Variants in CTNNBL1 observed in about 807,000 individuals in gnomAD.
CTNNBL1 encodes the protein beta-catenin-like protein 1.
A neutral mutation model predicts 72.7 loss-of-function variants in CTNNBL1; 31 were observed. That is an observed-to-expected ratio of 0.43 (90% CI 0.32 to 0.58). The LOEUF is 0.58. CTNNBL1 is among the 20% of genes least tolerant of loss of function. The probability of loss-of-function intolerance (pLI) is 0.08; values close to 1 mark genes in which losing one functional copy is unlikely to be tolerated. For missense variants in CTNNBL1, 534 were observed against 725.1 expected (o/e 0.74, Z 3.03); for synonymous variants, 240 against 267.3 (o/e 0.90, Z 1.00).
intron 10 of CTNNBL1, among the ~76,000 whole-genome samples, chr20:37,802,256 A>G (rs2073828981): frequency 6.6e-6 from 1 of 152,226 alleles, no homozygotes; most frequent in African/African-American, 2.4e-5. Flanking sequence ...TCATAAGAGA[A>G]CACATAATAT....
intron 4 of CTNNBL1, among the ~76,000 whole-genome samples, chr20:37,749,571 C>CA (rs1328112672): frequency 1.3e-5 from 2 of 152,094 alleles, no homozygotes; most frequent in Non-Finnish European, 2.9e-5. Context: ...TGCCAACCTG[C>CA]ACCCAACTGC....
chr20:37,789,383 A>G (rs1252250337), intron 10 of CTNNBL1, among the ~76,000 whole-genome samples: 1 of 152,232 alleles, frequency 6.6e-6, no homozygotes, highest in Non-Finnish European at 1.5e-5. Context: ...ACATATGAAC[A>G]TGAATGAAGT....
At chr20:37,836,407 T>C (rs1012457946) in intron 11 of CTNNBL1, among the ~76,000 whole-genome samples, 1 of 152,216 alleles carries the variant, frequency 6.6e-6, no homozygotes, top group South Asian at 2.1e-4. Flanking sequence ...CACATGGACA[T>C]GGCAGTCCAT....
chr20:37,868,305 T>C (rs963290260), intron 15 of CTNNBL1, among the ~76,000 whole-genome samples: 1 of 143,268 alleles, frequency 7.0e-6, no homozygotes, highest in African/African-American at 2.6e-5. Context: ...TTTTTTTTTT[T>C]ACTATCCACA....
intron 1 of CTNNBL1, among the ~76,000 whole-genome samples, chr20:37,708,043 G>C (rs915371022): frequency 1.3e-5 from 2 of 152,124 alleles, no homozygotes; most frequent in African/African-American, 4.8e-5. Flanking sequence ...TGAAAACAAA[G>C]TAGTAATATT....
At chr20:37,844,442 A>C (rs1354214735) in intron 13 of CTNNBL1, among the ~76,000 whole-genome samples, 1 of 152,158 alleles carries the variant, frequency 6.6e-6, no homozygotes, top group East Asian at 1.9e-4. Context: ...TTTTTGGACA[A>C]TGGAATGAAT....
intron 5 of CTNNBL1, among the ~76,000 whole-genome samples, chr20:37,758,815 C>G (rs1483426113): frequency 6.6e-6 from 1 of 152,218 alleles, no homozygotes; most frequent in East Asian, 1.9e-4. Context: ...TTAGAAGCAC[C>G]TGGGCTGCTT....
At chr20:37,851,119 C>T (rs1046228028) in intron 13 of CTNNBL1, among the ~76,000 whole-genome samples, 1 of 152,198 alleles carries the variant, frequency 6.6e-6, no homozygotes, top group African/African-American at 2.4e-5. Flanking sequence ...GAAATGGCAC[C>T]TTGGCGCTAC....
rs2072290041 is a variant in CTNNBL1, at chr20:37,840,093, C to T, written c.1214-9C>T. ...CTCAGCATGTTCTCTTTTCTCTTTCCCAACCCAGAGCATGTCTGTTCGATC... is the reference window on the plus strand; with the variant it reads ...CTCAGCATGTTCTCTTTTCTCTTTCTCAACCCAGAGCATGTCTGTTCGATC... On this transcript the variant is annotated splice_polypyrimidine_tract_variant and intron_variant, in intron 11 of 15. Coordinates refer to ENST00000361383, the MANE Select transcript of CTNNBL1 (RefSeq NM_030877.5). 6.2e-7 allele frequency: 1 copy of T among 1,608,366 alleles called. No individual in the cohort carries two copies. Among genetic ancestry groups the T allele is most frequent in the African/African-American group, 1.3e-5 (1 of 74,756 alleles).
At chr20:37,857,668 G>C (rs908248579) in intron 13 of CTNNBL1, among the ~76,000 whole-genome samples, 3 of 152,190 alleles carry the variant, frequency 2.0e-5, no homozygotes, top group African/African-American at 7.2e-5. Flanking sequence ...CCATAGTGGT[G>C]AGTTCTTTGA....
intron 13 of CTNNBL1, among the ~76,000 whole-genome samples, chr20:37,854,446 G>A (rs2072421208): frequency 6.6e-6 from 1 of 151,900 alleles, no homozygotes; most frequent in Admixed American, 6.6e-5. Flanking sequence ...AAAGAGCATG[G>A]ACTAGGGTTT....
intron 15 of CTNNBL1, among the ~76,000 whole-genome samples, chr20:37,860,939 T>C (rs760318407): frequency 6.6e-5 from 10 of 152,212 alleles, no homozygotes; most frequent in Non-Finnish European, 1.5e-4. Context: ...TGTGTATCTA[T>C]AGGGAAAAAC....
At chr20:37,858,166 C>T (rs4811234) in intron 13 of CTNNBL1, among the ~76,000 whole-genome samples, 48,578 of 152,158 alleles carry the variant, frequency 0.32, 8,609 homozygotes, top group South Asian at 0.43. Flanking sequence ...CACTGCACTC[C>T]AGACTGGATG....
chr20:37,756,146 C>T (rs2073361034), intron 4 of CTNNBL1: 1 of 152,220 alleles, frequency 6.6e-6, no homozygotes, highest in Admixed American at 6.5e-5. Context: ...ATAACTAATT[C>T]CCCAGCTCCA....
intron 1 of CTNNBL1, among the ~76,000 whole-genome samples, chr20:37,713,788 A>G (rs1256314043): frequency 2.0e-5 from 3 of 152,242 alleles, no homozygotes; most frequent in Admixed American, 6.5e-5. Flanking sequence ...AAATAAAAGA[A>G]TATACGTTTT....
At chr20:37,732,817 G>A (rs1600451120) in intron 1 of CTNNBL1, 62 bp from the exon 2 acceptor site, 3 of 1,496,332 alleles carry the variant, frequency 2.0e-6, no homozygotes, top group Non-Finnish European at 2.7e-6. Flanking sequence ...ATAGGCATGA[G>A]CCACCACGCC....
chr20:37,765,088 T>TTTACTTA, intron 5 of CTNNBL1, 109 bp from the exon 6 acceptor site: 1 of 743,712 alleles, frequency 1.3e-6, no homozygotes. Context: ...TTGCTGCTTA[T>TTTACTTA]TTACTTACTT....
At chr20:37,735,884 T>C (rs1025325370) in intron 2 of CTNNBL1, among the ~76,000 whole-genome samples, 5 of 152,194 alleles carry the variant, frequency 3.3e-5, no homozygotes, top group Non-Finnish European at 7.4e-5. Context: ...GTGTGAGTTA[T>C]GGTCAATGAC....
intron 6 of CTNNBL1, among the ~76,000 whole-genome samples, chr20:37,767,301 CT>C (rs369828769): frequency 1.3e-3 from 195 of 149,836 alleles, no homozygotes; most frequent in African/African-American, 4.7e-3. Flanking sequence ...CATGCAATAA[CT>C]TTTTTTTCCT....
Sources: allele counts gnomAD v4.1 joint callset (sites outside exome capture counted in the v4.1 genomes callset), GRCh38; gene constraint gnomAD v4.1.1; transcripts MANE v1.5; gene names NCBI Gene and HGNC (gene_info 2026-07-23, HGNC 2026-07-21).